ZNF577: variants seen among roughly 807,000 people sequenced by gnomAD.
The protein encoded by ZNF577 is zinc finger protein 577.
ZNF577 carries 14 observed loss-of-function variants against 13.9 expected under a neutral mutation model. The observed-to-expected ratio is 1.00, with a 90% confidence interval of 0.66 to 1.57. The LOEUF is 1.57. Among genes scored for constraint, ZNF577 ranks in the 40% most tolerant of loss-of-function variants. The pLI, the probability that ZNF577 is intolerant of heterozygous loss-of-function variation, is 0.00. For synonymous variants in ZNF577, 203 were observed against 202.9 expected, an observed-to-expected ratio of 1.00 and a Z score of 0.00; for missense variants, 555 against 579.2, an observed-to-expected ratio of 0.96 and a Z score of 0.43.
intron 9 of ZNF577, among the ~76,000 whole-genome samples, chr19:51,830,374 A>C (rs141699932): frequency 6.6e-6 from 1 of 152,310 alleles, no homozygotes; most frequent in East Asian, 1.9e-4. Context: ...CCTTGACAGC[A>C]AACTCAAGGG....
At chr19:51,845,819 G>T (rs968962652) in intron 5 of ZNF577, among the ~76,000 whole-genome samples, 1 of 152,088 alleles carries the variant, frequency 6.6e-6, no homozygotes, top group African/African-American at 2.4e-5. Context: ...CTTTTTTGTG[G>T]CTCAAGAGTA....
intron 9 of ZNF577, among the ~76,000 whole-genome samples, chr19:51,819,104 G>A (rs2084168455): frequency 6.6e-6 from 1 of 152,072 alleles, no homozygotes; most frequent in African/African-American, 2.4e-5. Flanking sequence ...AATGAAAGGT[G>A]AGTTCTACAT....
chr19:51,841,445 A>T (rs187611721), intron 8 of ZNF577, among the ~76,000 whole-genome samples: 1 of 152,206 alleles, frequency 6.6e-6, no homozygotes, highest in Non-Finnish European at 1.5e-5. Flanking sequence ...ATGGCCAGAA[A>T]ACAGAGAAAA....
chr19:51,848,572 G>A (rs966123422), intron 5 of ZNF577, among the ~76,000 whole-genome samples: 1 of 152,178 alleles, frequency 6.6e-6, no homozygotes, highest in African/African-American at 2.4e-5. Flanking sequence ...CTCTGGATGT[G>A]TGGTTTGTGG....
At chr19:51,879,045 C>T (rs1004562391) in intron 3 of ZNF577, among the ~76,000 whole-genome samples, 6 of 151,766 alleles carry the variant, frequency 4.0e-5, no homozygotes, top group East Asian at 3.9e-4. Flanking sequence ...ATCACAAAGT[C>T]GGGAGATTAA....
chr19:51,840,536 G>C (rs1241664541), intron 8 of ZNF577: 2 of 152,180 alleles, frequency 1.3e-5, no homozygotes, highest in Non-Finnish European at 1.5e-5. Context: ...TGTGGAGAGA[G>C]ACCTTGAGGG....
intron 9 of ZNF577, among the ~76,000 whole-genome samples, chr19:51,826,500 C>T (rs916045956): frequency 6.6e-6 from 1 of 152,174 alleles, no homozygotes; most frequent in African/African-American, 2.4e-5. Flanking sequence ...TTCTTTTTCA[C>T]ATTGTTCACT....
Position 51,873,179 on chromosome 19 carries a change from C to A in ZNF577, c.811G>T (p.Gly271Trp), listed in dbSNP as rs1242618237. ...AAGGCTTTCCCACACACACTGCACC[C>A]ATAGAGTTTCTCTCCAGTATGTGAT... The part of the protein sequence containing the change: ...QRSHTGEKLY[G>W]CSVCGKAFSQ... Residue 271 changes from glycine to tryptophan, a missense_variant, in exon 6 of 6, where the codon GGG (glycine) becomes TGG (tryptophan). Physicochemically the swap from Gly to Trp is radical, Grantham distance 184. Coordinates refer to ENST00000638348, the MANE Select transcript of ZNF577 (RefSeq NM_001370449.1). 1 of 1,613,992 alleles carries A rather than the reference C, an allele frequency of 6.2e-7. No homozygotes were observed. Among genetic ancestry groups the A allele is most frequent in the African/African-American group, 1.3e-5 (1 of 74,892 alleles).
chr19:51,855,978 GGA>G (rs1367069162), intron 5 of ZNF577: 1 of 152,078 alleles, frequency 6.6e-6, no homozygotes, highest in African/African-American at 2.4e-5. Context: ...CTGGGGAAAG[GGA>G]TATAGAAGTA....
chr19:51,819,440 G>A lies in ZNF577; in HGVS notation c.*600-7766C>T, dbSNP rs548501461. On this transcript the variant is annotated intron_variant and NMD_transcript_variant, in intron 9 of 10. Transcript: ENST00000638827. ...CTGGACTGAAAAGAGGTGGCCAATT[G>A]AGCTGTAAAGACAACCAAGAGTGGA... 6.6e-5 allele frequency among the ~76,000 whole-genome samples: 10 copies of A among 152,276 alleles called. No homozygotes were observed. In the East Asian group the frequency reaches 1.7e-3, roughly 26 times the overall value.
rs2084977799 is a variant in ZNF577, at chr19:51,887,872, G to C, written c.-1270C>G. The C allele has an allele frequency of 6.6e-6, 1 of 152,210 alleles. No homozygotes were observed. Among genetic ancestry groups the C allele is most frequent in the African/African-American group, 2.4e-5 (1 of 41,454 alleles). The allele number at this position is 152,210 out of a possible 1,614,324, so 9.4% of individuals were successfully genotyped here. On this transcript the variant is annotated 5_prime_UTR_variant, in exon 1 of 6. Coordinates refer to ENST00000638348, the MANE Select transcript of ZNF577 (RefSeq NM_001370449.1). The stretch of plus-strand genomic sequence containing the variant: ...TCTCCACTGCTGGAGGCGAGTCAGG[G>C]ACCCGAAGTCTCTAAACACTCGCCT...
intron 9 of ZNF577, among the ~76,000 whole-genome samples, chr19:51,819,915 G>A (rs764559694): frequency 4.1e-4 from 63 of 152,074 alleles, no homozygotes; most frequent in Non-Finnish European, 8.1e-4. Flanking sequence ...GAAAGCAGAA[G>A]GACAAATACC....
At chr19:51,841,113 G>C (rs2084317933) in intron 8 of ZNF577, among the ~76,000 whole-genome samples, 1 of 152,222 alleles carries the variant, frequency 6.6e-6, no homozygotes, top group African/African-American at 2.4e-5. Flanking sequence ...GGTTCGGGCT[G>C]TGAGAAACAT....
At chr19:51,875,095 G>A (rs968981691) in intron 5 of ZNF577, among the ~76,000 whole-genome samples, 3 of 152,034 alleles carry the variant, frequency 2.0e-5, no homozygotes, top group African/African-American at 4.8e-5. Flanking sequence ...GTGGCCAGGC[G>A]CAGTGCTTCA....
chr19:51,821,751 C>T (rs1414726991), intron 9 of ZNF577, among the ~76,000 whole-genome samples: 2 of 151,728 alleles, frequency 1.3e-5, no homozygotes, highest in East Asian at 3.9e-4. Context: ...ATCTTGCTGC[C>T]TCCACTGACC....
At position 51,872,961 on chromosome 19, in the gene ZNF577, C is replaced by G; in HGVS notation, c.1029G>C (p.Gln343His). ...TCTCTCCAGTGTGAGTACGCTGATGCTGAATGAGCTTCGACTTGCTTCTAA... is the reference window on the plus strand; with the variant it reads ...TCTCTCCAGTGTGAGTACGCTGATGGTGAATGAGCTTCGACTTGCTTCTAA... ...KAFRSKSKLI[Q>H]HQRTHTGERP... is the part of the protein sequence containing the mutation. Residue 343 changes from glutamine to histidine, a missense_variant, in exon 6 of 6, where the codon CAG becomes CAC. Coordinates refer to ENST00000638348, the MANE Select transcript of ZNF577 (RefSeq NM_001370449.1). 1 of 1,614,184 alleles carries G rather than the reference C, an allele frequency of 6.2e-7. No homozygotes were observed. Among genetic ancestry groups the G allele is most frequent in the South Asian group, 1.1e-5 (1 of 91,084 alleles).
At chr19:51,857,418 G>GA (rs1491216474) in intron 5 of ZNF577, among the ~76,000 whole-genome samples, 1 of 114,936 alleles carries the variant, frequency 8.7e-6, no homozygotes, top group African/African-American at 3.9e-5. Flanking sequence ...AAGAAAGAAA[G>GA]AAAGAAAGAA....
chr19:51,825,816 C>A (rs2084228461), intron 9 of ZNF577: 1 of 166,994 alleles, frequency 6.0e-6, no homozygotes, highest in Non-Finnish European at 1.5e-5. Flanking sequence ...CAGCCTATAT[C>A]CTGAGACTAA....
intron 9 of ZNF577, among the ~76,000 whole-genome samples, chr19:51,822,139 C>A (rs1342798827): frequency 6.6e-6 from 1 of 152,112 alleles, no homozygotes; most frequent in Non-Finnish European, 1.5e-5. Flanking sequence ...GCAACAGCTT[C>A]CCATGTGACC....
Sources: gnomAD v4.1 joint callset for allele counts (sites outside exome capture counted in the v4.1 genomes callset) on GRCh38, gnomAD v4.1.1 for gene constraint, MANE v1.5 for transcripts, NCBI Gene and HGNC (gene_info 2026-07-23, HGNC 2026-07-21) for gene names.